The following MYO16 variants were observed in gnomAD, a reference collection of about 807,000 sequenced individuals.
The protein encoded by MYO16 is unconventional myosin-XVI.
Under a neutral mutation model 205.3 loss-of-function variants are expected in MYO16, and 94 were observed. That is an observed-to-expected ratio of 0.46 (90% confidence interval 0.39 to 0.54). MYO16 has a LOEUF of 0.54. MYO16 is among the 20% of genes least tolerant of loss of function. The pLI, the probability that MYO16 is intolerant of heterozygous loss-of-function variation, is 0.00. For synonymous variants in MYO16, 988 were observed against 954.0 expected (o/e 1.04, Z -0.66); for missense variants, 2,315 against 2,387.5 (o/e 0.97, Z 0.63).
chr13:109,075,159 A>T (rs1210390258), intron 27 of MYO16, among the ~76,000 whole-genome samples: 1 of 152,188 alleles, frequency 6.6e-6, no homozygotes, highest in Non-Finnish European at 1.5e-5. Flanking sequence ...CCACTGATGT[A>T]CAAGTGTTTA....
At chr13:108,904,420 C>T (rs1260826741) in intron 15 of MYO16, among the ~76,000 whole-genome samples, 2 of 152,060 alleles carry the variant, frequency 1.3e-5, no homozygotes, top group East Asian at 3.8e-4. Flanking sequence ...CCATACAGTA[C>T]CTTTTATTTG....
At chr13:108,560,566 A>G in the MYO16 span, among the ~76,000 whole-genome samples, 24 of 152,350 alleles carry the variant, frequency 1.6e-4, no homozygotes, top group African/African-American at 2.2e-4. Context: ...CTTATTTCAG[A>G]TAACACTGAT....
chr13:108,958,837 T>A (rs1883478237), intron 17 of MYO16, among the ~76,000 whole-genome samples: 1 of 152,180 alleles, frequency 6.6e-6, no homozygotes, highest in Admixed American at 6.5e-5. Flanking sequence ...GTGTTTTGGA[T>A]TATGGTCAAT....
chr13:109,038,900 G>A (rs1886798056), intron 23 of MYO16, among the ~76,000 whole-genome samples: 1 of 152,002 alleles, frequency 6.6e-6, no homozygotes, highest in African/African-American at 2.4e-5. Flanking sequence ...TTTTCTCCTA[G>A]CTCCCTGCCA....
At chr13:108,954,681 C>T (rs1566430357) in intron 16 of MYO16, among the ~76,000 whole-genome samples, 1 of 152,058 alleles carries the variant, frequency 6.6e-6, no homozygotes, top group Non-Finnish European at 1.5e-5. Context: ...GGCAGAGCTG[C>T]ACTGAGTTGA....
chr13:109,010,424 A>G (rs2139484725), intron 22 of MYO16, among the ~76,000 whole-genome samples: 1 of 152,368 alleles, frequency 6.6e-6, no homozygotes. Flanking sequence ...AATACAAATA[A>G]TAATGCTTAA....
At chr13:109,154,515 A>T (rs1410044711) in intron 32 of MYO16, among the ~76,000 whole-genome samples, 1 of 152,078 alleles carries the variant, frequency 6.6e-6, no homozygotes, top group South Asian at 2.1e-4. Flanking sequence ...CCACTGCTGT[A>T]ATTTTTCTTT....
At chr13:108,666,815 T>C (rs1238771708) in intron 2 of MYO16, among the ~76,000 whole-genome samples, 1 of 152,242 alleles carries the variant, frequency 6.6e-6, no homozygotes, top group Non-Finnish European at 1.5e-5. Context: ...TTTTTCACTT[T>C]TTATATACTC....
chr13:109,046,139 G>A (rs979702316), intron 23 of MYO16, among the ~76,000 whole-genome samples: 2 of 152,116 alleles, frequency 1.3e-5, no homozygotes, highest in Non-Finnish European at 2.9e-5. Context: ...CACTGGTTTT[G>A]TGTCTCCCAT....
intron 28 of MYO16, among the ~76,000 whole-genome samples, chr13:109,103,385 T>C (rs1350491047): frequency 6.6e-6 from 1 of 152,204 alleles, no homozygotes; most frequent in Non-Finnish European, 1.5e-5. Context: ...TGCTAAGAGT[T>C]ATAATGTGTG....
chr13:108,817,372 C>T (rs550998010), intron 7 of MYO16, among the ~76,000 whole-genome samples: 7 of 150,586 alleles, frequency 4.6e-5, no homozygotes, highest in Non-Finnish European at 1.0e-4. Flanking sequence ...AATGCATGCA[C>T]AAGCATGGAC....
the MYO16 span, among the ~76,000 whole-genome samples, chr13:108,501,421 C>T: frequency 5.9e-5 from 9 of 152,272 alleles, no homozygotes; most frequent in East Asian, 1.5e-3. Context: ...GACTCTCTCT[C>T]ATCTGCTTCT....
intron 22 of MYO16, among the ~76,000 whole-genome samples, chr13:109,017,235 G>A (rs1161860027): frequency 6.6e-6 from 1 of 152,108 alleles, no homozygotes; most frequent in East Asian, 1.9e-4. Context: ...GCTTAGTTTG[G>A]CTGGATGTGA....
At chr13:108,641,872 G>A (rs1880518606) in intron 1 of MYO16, among the ~76,000 whole-genome samples, 1 of 152,114 alleles carries the variant, frequency 6.6e-6, no homozygotes, top group African/African-American at 2.4e-5. Flanking sequence ...GTAAATCATG[G>A]CCTGGCATAC....
At chr13:108,801,954 T>C (rs1005716326) in intron 6 of MYO16, among the ~76,000 whole-genome samples, 14 of 152,320 alleles carry the variant, frequency 9.2e-5, no homozygotes, top group African/African-American at 3.4e-4. Context: ...TAATTTTATT[T>C]AATATTATTT....
At chr13:108,696,211 G>A (rs554367762) in intron 2 of MYO16, among the ~76,000 whole-genome samples, 46 of 152,132 alleles carry the variant, frequency 3.0e-4, no homozygotes, top group Non-Finnish European at 1.0e-4. Context: ...TTATGCCTAT[G>A]TTCCAGCAAT....
chr13:108,679,229 C>G (rs1412317442), intron 2 of MYO16, among the ~76,000 whole-genome samples: 1 of 152,178 alleles, frequency 6.6e-6, no homozygotes, highest in African/African-American at 2.4e-5. Context: ...GCTCTCCACT[C>G]AAATGTTGCC....
chr13:108,537,661 G>A, the MYO16 span, among the ~76,000 whole-genome samples: 1 of 151,174 alleles, frequency 6.6e-6, no homozygotes, highest in African/African-American at 2.4e-5. Context: ...ACCAACATTT[G>A]TTTTTTTGTT....
chr13:108,956,590 G>A (rs558181430), intron 16 of MYO16, among the ~76,000 whole-genome samples: 74 of 151,916 alleles, frequency 4.9e-4, no homozygotes, highest in Middle Eastern at 3.4e-3. Flanking sequence ...TCATCTCACC[G>A]TAGGCTCCAA....
Sources: gnomAD v4.1 joint callset for allele counts (sites outside exome capture counted in the v4.1 genomes callset) on GRCh38, gnomAD v4.1.1 for gene constraint, MANE v1.5 for transcripts, NCBI Gene and HGNC (gene_info 2026-07-23, HGNC 2026-07-21) for gene names.